DTNA: variants seen among roughly 807,000 people sequenced by gnomAD.
DTNA encodes dystrobrevin alpha.
Under a neutral mutation model 100.7 loss-of-function variants are expected in DTNA, and 43 were observed. The observed-to-expected ratio is 0.43, with a 90% CI of 0.33 to 0.55. The LOEUF (loss-of-function observed/expected upper bound fraction) is 0.55. DTNA is among the 20% of genes least tolerant of loss of function. The pLI is 0.04. For missense variants in DTNA, 798 were observed against 953.9 expected, an observed-to-expected ratio of 0.84 and a Z score of 2.15; for synonymous variants, 349 against 347.9, an observed-to-expected ratio of 1.00 and a Z score of -0.04.
At chr18:34,887,711 C>T in intron 22 of DTNA, 55 bp from the exon 23 acceptor site, 1 of 985,174 alleles carries the variant, frequency 1.0e-6, no homozygotes, top group Non-Finnish European at 1.2e-6. Context: ...TTTCATAACC[C>T]TAATTTAGAA....
chr18:34,847,443 AG>A (rs1205496565), intron 13 of DTNA, among the ~76,000 whole-genome samples: 1 of 152,226 alleles, frequency 6.6e-6, no homozygotes, highest in Admixed American at 6.5e-5. Context: ...AAAAGTTAGT[AG>A]CTTAAAATAA....
At chr18:34,515,365 C>T (rs2041497555) in intron 1 of DTNA, among the ~76,000 whole-genome samples, 1 of 151,982 alleles carries the variant, frequency 6.6e-6, no homozygotes, top group Admixed American at 6.6e-5. Context: ...TTTTAACTTC[C>T]TACACAGACC....
At chr18:34,499,549 C>T (rs1379168059) in intron 1 of DTNA, among the ~76,000 whole-genome samples, 1 of 152,148 alleles carries the variant, frequency 6.6e-6, no homozygotes, top group Non-Finnish European at 1.5e-5. Flanking sequence ...AATTACCAAA[C>T]TTTTCCAGAG....
chr18:34,525,390 A>G (rs2042522492), intron 1 of DTNA, among the ~76,000 whole-genome samples: 1 of 152,036 alleles, frequency 6.6e-6, no homozygotes, highest in African/African-American at 2.4e-5. Context: ...TTTCTCGCAC[A>G]CTGTCTTTCC....
rs10655400 is a variant in DTNA at position 34,771,957 on chromosome 18, CT to C, written c.148+5927del. On this transcript the variant is annotated intron_variant, in intron 3 of 22. Transcript: ENST00000444659. ...CAGATACCCTGTAATGTCAGCAGAT[CT>C]TTTTTTTTTTCAGAAATTACTTTGG... 5.4e-5 allele frequency among the ~76,000 whole-genome samples: 8 copies of C among 149,240 alleles called. 1 individual carries two copies. The highest frequency in any genetic ancestry group is 8.9e-5 in the Non-Finnish European group (6 of 67,284).
chr18:34,624,177 G>A (rs1345716876), intron 1 of DTNA, among the ~76,000 whole-genome samples: 1 of 152,174 alleles, frequency 6.6e-6, no homozygotes, highest in Admixed American at 6.5e-5. Flanking sequence ...GTTATGGATG[G>A]ATTGTGTCAT....
At position 34,794,171 on chromosome 18, in the gene DTNA, C is replaced by T. The variant is rs1602140607; in HGVS notation, c.283C>T (p.Arg95Trp). Reference protein sequence around the residue: ...LSTIFYQLNKRMPTTHQIHVE... With the variant: ...LSTIFYQLNKWMPTTHQIHVE... Reference sequence around the variant, plus strand: ...CACTATTTTTTACCAGCTCAACAAACGGATGCCAACCACTCACCAAATCCA... The same window carrying T: ...CACTATTTTTTACCAGCTCAACAAATGGATGCCAACCACTCACCAAATCCA... The change falls in exon 4 of 23, where the codon CGG becomes TGG. Residue 95 changes from arginine (R) to tryptophan (W), a missense_variant. Arg to Trp is a moderately radical substitution (Grantham distance 101). This residue lies in a region of DTNA where 197 missense variants were observed against 215.4 expected (regional missense o/e 0.91). Coordinates refer to ENST00000444659, the MANE Select transcript of DTNA (RefSeq NM_001386795.1). The T allele has an allele frequency of 2.5e-6, 4 of 1,614,160 alleles. No individual in the cohort carries two copies. Among genetic ancestry groups the T allele is most frequent in the Non-Finnish European group, 3.4e-6 (4 of 1,180,004 alleles).
At chr18:34,631,706 T>C (rs969542438) in intron 1 of DTNA, among the ~76,000 whole-genome samples, 2 of 152,138 alleles carry the variant, frequency 1.3e-5, no homozygotes, top group African/African-American at 4.8e-5. Flanking sequence ...GATTTCAGAG[T>C]TGGTCAATAA....
chr18:34,804,463 G>A (rs1344999665), intron 4 of DTNA, among the ~76,000 whole-genome samples: 2 of 152,170 alleles, frequency 1.3e-5, no homozygotes, highest in African/African-American at 4.8e-5. Context: ...CAGTGACAGT[G>A]GGAATGAAAA....
In DTNA at chr18:34,815,921, T is replaced by A; in HGVS notation, c.616T>A (p.Leu206Ile). Residue 206 changes from leucine (L) to isoleucine (I), a missense_variant, in exon 7 of 23, where the codon TTA becomes ATA. Leu to Ile is a conservative substitution (Grantham distance 5). Transcript: ENST00000444659. ...SCFSQQKKVTLNGFLDTLMSD... is the reference protein window; with the variant it reads ...SCFSQQKKVTINGFLDTLMSD... ...TTTTTTTATGCAGAAAAAAGTCACG[T>A]TAAATGGTTTCTTGGACACGCTTAT... 2 of 1,613,732 alleles carry A rather than the reference T, an allele frequency of 1.2e-6. No individual in the cohort carries two copies. The highest frequency in any genetic ancestry group is 1.7e-6 in the Non-Finnish European group (2 of 1,179,696).
intron 1 of DTNA, among the ~76,000 whole-genome samples, chr18:34,624,449 A>T (rs535348678): frequency 1.3e-5 from 2 of 152,196 alleles, no homozygotes; most frequent in African/African-American, 4.8e-5. Context: ...CAACTCACTA[A>T]CTTACATTTA....
intron 1 of DTNA, among the ~76,000 whole-genome samples, chr18:34,547,380 A>G (rs2044904469): frequency 6.6e-6 from 1 of 151,728 alleles, no homozygotes; most frequent in South Asian, 2.1e-4. Context: ...AGAAAGCTAT[A>G]AGTAGCAAGA....
At chr18:34,528,500 AT>A (rs1166470743) in intron 1 of DTNA, among the ~76,000 whole-genome samples, 1 of 151,936 alleles carries the variant, frequency 6.6e-6, no homozygotes, top group South Asian at 2.1e-4. Context: ...ACACACATAT[AT>A]TTTTTTCCGA....
chr18:34,506,313 A>G (rs1016940525), intron 1 of DTNA, among the ~76,000 whole-genome samples: 1 of 151,700 alleles, frequency 6.6e-6, no homozygotes, highest in Non-Finnish European at 1.5e-5. Context: ...GGATCCTCCC[A>G]CCATTACTAT....
intron 2 of DTNA, among the ~76,000 whole-genome samples, chr18:34,759,121 C>CTTCACAATAA (rs1004156522): frequency 1.3e-5 from 2 of 152,026 alleles, no homozygotes; most frequent in African/African-American, 4.8e-5. Flanking sequence ...ACAATAATGC[C>CTTCACAATAA]TTAATTATCA....
intron 1 of DTNA, among the ~76,000 whole-genome samples, chr18:34,559,923 T>G (rs1240857738): frequency 1.3e-5 from 2 of 152,226 alleles, no homozygotes; most frequent in Non-Finnish European, 2.9e-5. Context: ...TATTACTTCC[T>G]GTTTTAGAAT....
At chr18:34,529,112 C>T (rs756465853) in intron 1 of DTNA, among the ~76,000 whole-genome samples, 7 of 151,966 alleles carry the variant, frequency 4.6e-5, no homozygotes, top group East Asian at 1.9e-4. Flanking sequence ...GAGGAAAAGA[C>T]GTAAAGGATA....
chr18:34,666,972 A>G (rs2076022328), intron 1 of DTNA, among the ~76,000 whole-genome samples: 1 of 152,170 alleles, frequency 6.6e-6, no homozygotes, highest in South Asian at 2.1e-4. Flanking sequence ...AGTCATTGGT[A>G]GCTTGATGGG....
At chr18:34,618,263 GC>G (rs576449974) in intron 1 of DTNA, among the ~76,000 whole-genome samples, 55 of 152,176 alleles carry the variant, frequency 3.6e-4, no homozygotes, top group African/African-American at 1.3e-3. Flanking sequence ...ATAATGATTT[GC>G]CAGCCTAAAG....
Sources: allele counts gnomAD v4.1 joint callset (sites outside exome capture counted in the v4.1 genomes callset), GRCh38; gene constraint gnomAD v4.1.1; regional missense constraint gnomAD v4.1.1; transcripts MANE v1.5; gene names NCBI Gene and HGNC (gene_info 2026-07-23, HGNC 2026-07-21).